Variants in CEP72 observed in about 807,000 individuals in gnomAD.
The protein encoded by CEP72 is centrosomal protein of 72 kDa.
CEP72 carries 78 observed loss-of-function variants against 65.7 expected under a neutral mutation model. That is an observed-to-expected ratio of 1.19 (90% CI 0.99 to 1.43). The LOEUF is 1.43. CEP72 is among the 40% of genes most tolerant of loss of function. The pLI, the probability that CEP72 is intolerant of heterozygous loss-of-function variation, is 0.00. For synonymous variants in CEP72, 358 were observed against 351.7 expected, an observed-to-expected ratio of 1.02 and a Z score of -0.20; for missense variants, 914 against 832.9, an observed-to-expected ratio of 1.10 and a Z score of -1.20.
intron 1 of CEP72, among the ~76,000 whole-genome samples, chr5:617,749 C>T (rs1048544333): frequency 1.3e-5 from 2 of 152,206 alleles, no homozygotes; most frequent in African/African-American, 2.4e-5. Context: ...CCTGTAATCC[C>T]AGCTACTCAG....
At chr5:619,935 C>CTGGTAAT (rs144222017) in intron 2 of CEP72, 134 bp from the exon 3 acceptor site, 36,360 of 716,878 alleles carry the variant, frequency 0.051, 2,502 homozygotes, top group African/African-American at 0.27. Flanking sequence ...CATTTTTCTA[C>CTGGTAAT]TTTTCCTGGT....
chr5:651,663 G>A (rs547644832), intron 11 of CEP72, among the ~76,000 whole-genome samples: 24 of 152,138 alleles, frequency 1.6e-4, no homozygotes, highest in South Asian at 2.1e-4. Context: ...ATTGTGTGCC[G>A]GGACGTGGTT....
chr5:648,701 A>C (rs767122185), intron 11 of CEP72, among the ~76,000 whole-genome samples: 920 of 45,014 alleles, frequency 0.02, 59 homozygotes, highest in Middle Eastern at 0.18. Flanking sequence ...TGAGGCGTGA[A>C]TGTGAGGCGT....
rs373343998 is a variant in CEP72 at position 615,134 on chromosome 5, CTT to C, written c.82+2708_82+2709del. ...CCCTTTTAGTATATGTAGTCTTCCT[CTT>C]TTTTTTTTTTTTTTTTGAGACAGAG... On this transcript the variant is annotated intron_variant, in intron 1 of 11. Transcript: ENST00000264935. Among the ~76,000 whole-genome samples, 36 of 120,326 alleles carry C rather than the reference CTT, an allele frequency of 3.0e-4. 1 individual carries two copies. The highest frequency in any genetic ancestry group is 7.2e-4 in the African/African-American group (22 of 30,720). The allele number at this position is 120,326 out of a possible 152,430, so 78.9% of individuals were successfully genotyped here.
chr5:639,017 G>C (rs894866891), intron 7 of CEP72, 72 bp from the exon 8 acceptor site: 6 of 1,593,558 alleles, frequency 3.8e-6, no homozygotes, highest in East Asian at 2.2e-5. Context: ...CCCAGGGTGC[G>C]CTTGGGCACC....
intron 3 of CEP72, among the ~76,000 whole-genome samples, chr5:621,087 T>C (rs1736359655): frequency 6.6e-6 from 1 of 152,142 alleles, no homozygotes; most frequent in Non-Finnish European, 1.5e-5. Flanking sequence ...GAATGCTGTG[T>C]TGACATGTCG....
chr5:613,046 A>T (rs1348725630), intron 1 of CEP72, among the ~76,000 whole-genome samples: 1 of 152,240 alleles, frequency 6.6e-6, no homozygotes, highest in Non-Finnish European at 1.5e-5. Context: ...CTTTTAAATG[A>T]CAAATTCTGT....
At position 635,426 on chromosome 5, in the gene CEP72, G is replaced by A; in HGVS notation, c.746G>A (p.Gly249Glu). ...GTACAGTACCAGTGTGGGGACTCTG[G>A]GAAGCAGGGCCGTGAGACGAGGAGG... Reference protein sequence around the residue: ...QLVQYQCGDSGKQGRETRRSS... With the variant: ...QLVQYQCGDSEKQGRETRRSS... The change falls in exon 6 of 12, where the codon GGG becomes GAG. Residue 249 changes from glycine to glutamate, a missense_variant. Physicochemically the swap from Gly to Glu is moderately conservative, Grantham distance 98. Transcript: ENST00000264935. 7 of 1,614,162 alleles carry A rather than the reference G, an allele frequency of 4.3e-6. No individual in the cohort carries two copies. Among genetic ancestry groups the A allele is most frequent in the Non-Finnish European group, 5.1e-6 (6 of 1,180,004 alleles).
chr5:643,183 C>G, intron 9 of CEP72: 1 of 981,360 alleles, frequency 1.0e-6, no homozygotes, highest in Non-Finnish European at 1.2e-6. Flanking sequence ...CTAGTTTGTG[C>G]GACAGAGGGA....
At chr5:653,968 G>T (rs1274666954), downstream of CEP72, among the ~76,000 whole-genome samples, 1 of 146,888 alleles carries the variant, frequency 6.8e-6, no homozygotes, top group Non-Finnish European at 1.5e-5. Flanking sequence ...GTGTGTGTGT[G>T]TGCCCTTGCT....
At chr5:620,849 G>T (rs1357100796) in intron 3 of CEP72, among the ~76,000 whole-genome samples, 1 of 152,214 alleles carries the variant, frequency 6.6e-6, no homozygotes, top group Non-Finnish European at 1.5e-5. Flanking sequence ...CCCTGGGTTG[G>T]GGCAGCCGCA....
chr5:621,674 G>A (rs754421754), intron 3 of CEP72, among the ~76,000 whole-genome samples: 5 of 152,268 alleles, frequency 3.3e-5, no homozygotes, highest in Admixed American at 6.5e-5. Context: ...TGGGGCCATC[G>A]TGGAGCCATG....
Position 637,521 on chromosome 5 carries a change from C to T in CEP72, c.909C>T (p.Ser303=), listed in dbSNP as rs778296896. The change falls in exon 7 of 12, where the codon TCC becomes TCT. Residue 303 remains serine (S), a synonymous_variant. Transcript: ENST00000264935. ...PHTYFTPHPD[S]MDTEDSASSQ... The stretch of plus-strand genomic sequence containing the variant: ...CCCATCCTCTCTATATCTCAGACTC[C>T]ATGGATACCGAGGACTCGGCCTCTT... 4.3e-5 allele frequency: 69 copies of T among 1,612,144 alleles called. No individual in the cohort carries two copies. The highest frequency in any genetic ancestry group is 5.6e-5 in the Non-Finnish European group (66 of 1,178,880).
chr5:617,673 CG>C (rs1317659753), intron 1 of CEP72, among the ~76,000 whole-genome samples: 1 of 152,198 alleles, frequency 6.6e-6, no homozygotes, highest in Non-Finnish European at 1.5e-5. Context: ...GCACCTGAGA[CG>C]ATGCCTGAGG....
chr5:620,446 C>G (rs558641921), intron 3 of CEP72, among the ~76,000 whole-genome samples, 185 bp downstream of exon 3: 2 of 152,210 alleles, frequency 1.3e-5, no homozygotes, highest in Non-Finnish European at 1.5e-5. Context: ...TGTGTCTGCA[C>G]AGGACAGGGC....
intron 5 of CEP72, 81 bp downstream of exon 5, chr5:634,028 A>C: frequency 2.2e-6 from 3 of 1,342,930 alleles, no homozygotes; most frequent in East Asian, 2.3e-5. Context: ...TGGAGTCCAC[A>C]GTTGCTCTTT....
the CEP72 span, among the ~76,000 whole-genome samples, chr5:673,307 C>T: frequency 2.0e-5 from 3 of 152,296 alleles, no homozygotes; most frequent in East Asian, 5.8e-4. Flanking sequence ...TGCTGTACAC[C>T]TGGGAGGTCA....
chr5:673,190 T>C, the CEP72 span, among the ~76,000 whole-genome samples: 1 of 152,150 alleles, frequency 6.6e-6, no homozygotes, highest in African/African-American at 2.4e-5. Context: ...CACCACCCCT[T>C]GCTTTCCCCG....
chr5:658,729 C>A (rs1697961), downstream of CEP72, among the ~76,000 whole-genome samples: 7 of 126,386 alleles, frequency 5.5e-5, no homozygotes, highest in East Asian at 1.7e-3. Flanking sequence ...AGTGCAGTGG[C>A]GTGATCTCGG....
Sources: gnomAD v4.1 joint callset for allele counts (sites outside exome capture counted in the v4.1 genomes callset) on GRCh38, gnomAD v4.1.1 for gene constraint, MANE v1.5 for transcripts, NCBI Gene and HGNC (gene_info 2026-07-23, HGNC 2026-07-21) for gene names.